MGST1: variants seen among roughly 807,000 people sequenced by gnomAD.
The protein encoded by MGST1 is microsomal glutathione S-transferase 1, also known as glutathione S-transferase 12.
Under a neutral mutation model 8.9 loss-of-function variants are expected in MGST1, and 5 were observed. The observed-to-expected ratio is 0.56, with a 90% CI of 0.29 to 1.19. The LOEUF (loss-of-function observed/expected upper bound fraction) is 1.19, where lower values mean the gene tolerates loss of function less well. Ranked by LOEUF, MGST1 falls within the 50% of genes most tolerant of loss-of-function variation. The probability of loss-of-function intolerance (pLI) is 0.08; values close to 1 mark genes in which losing one functional copy is unlikely to be tolerated. For missense variants in MGST1, 182 were observed against 187.4 expected (o/e 0.97, Z 0.17); for synonymous variants, 54 against 67.8 (o/e 0.80, Z 1.00).
intron 3 of MGST1, among the ~76,000 whole-genome samples, chr12:16,359,180 C>A (rs1485340527): frequency 3.9e-5 from 6 of 152,168 alleles, no homozygotes; most frequent in Admixed American, 2.0e-4. Flanking sequence ...CTCTGTCAGA[C>A]AATGGCCTTC....
At chr12:16,502,220 AAAAAT>A (rs1263075297) in intron 4 of MGST1, among the ~76,000 whole-genome samples, 1 of 152,174 alleles carries the variant, frequency 6.6e-6, no homozygotes, top group East Asian at 1.9e-4. Flanking sequence ...TGCCAGGACA[AAAAAT>A]AAACTGATCA....
chr12:16,550,934 C>A (rs1941964105), intron 4 of MGST1: 1 of 328,168 alleles, frequency 3.0e-6, no homozygotes, highest in Non-Finnish European at 5.7e-6. Flanking sequence ...ACATTATATA[C>A]AATAGTCCAA....
intron 4 of MGST1, among the ~76,000 whole-genome samples, chr12:16,456,823 T>C (rs1941177590): frequency 6.6e-6 from 1 of 151,876 alleles, no homozygotes; most frequent in Non-Finnish European, 1.5e-5. Flanking sequence ...CCTCAGCCAA[T>C]CAAATGTGAA....
intron 4 of MGST1, among the ~76,000 whole-genome samples, chr12:16,485,105 T>C (rs1941391026): frequency 6.6e-6 from 1 of 152,250 alleles, no homozygotes; most frequent in Non-Finnish European, 1.5e-5. Flanking sequence ...TCATTTACTC[T>C]GTTGACCACC....
At chr12:16,436,655 G>A (rs1940989819) in intron 1 of MGST1, among the ~76,000 whole-genome samples, 1 of 151,978 alleles carries the variant, frequency 6.6e-6, no homozygotes, top group South Asian at 2.1e-4. Context: ...ATGAGTTGCT[G>A]TTTTAAGTTT....
At chr12:16,514,567 A>C (rs1941599185) in intron 4 of MGST1, among the ~76,000 whole-genome samples, 1 of 149,714 alleles carries the variant, frequency 6.7e-6, no homozygotes, top group Non-Finnish European at 1.5e-5. Context: ...ATGAGCAAGG[A>C]GTCCTCCATC....
intron 1 of MGST1, among the ~76,000 whole-genome samples, chr12:16,426,401 C>T (rs373937891): frequency 6.6e-6 from 1 of 152,140 alleles, no homozygotes; most frequent in Non-Finnish European, 1.5e-5. Context: ...TTGATTCTTC[C>T]AGTTGAAATT....
At chr12:16,392,096 G>A (rs978615962) in intron 1 of MGST1, among the ~76,000 whole-genome samples, 1 of 152,110 alleles carries the variant, frequency 6.6e-6, no homozygotes, top group African/African-American at 2.4e-5. Context: ...TGTTCCATTG[G>A]TCTATGTGTC....
chr12:16,520,128 CGACCCAGAAATTTTA>C (rs1396560068), intron 4 of MGST1, among the ~76,000 whole-genome samples: 1 of 152,028 alleles, frequency 6.6e-6, no homozygotes, highest in African/African-American at 2.4e-5. Flanking sequence ...CTGAAATTTT[CGACCCAGAAATTTTA>C]GACCTAAAAT....
intron 2 of MGST1, chr12:16,354,844 T>G (rs1939638929): frequency 6.6e-6 from 1 of 152,180 alleles, no homozygotes; most frequent in African/African-American, 2.4e-5. Flanking sequence ...ACTTTCAAAG[T>G]GAGCCTCATA....
In MGST1 at chr12:16,497,167, G is replaced by A. The variant is rs138161991; in HGVS notation, n.483-92361G>A. 4.6e-5 allele frequency among the ~76,000 whole-genome samples: 7 copies of A among 152,220 alleles called. No individual in the cohort carries two copies. In the East Asian group the frequency reaches 1.4e-3, roughly 29 times the overall value. On this transcript the variant is annotated intron_variant and non_coding_transcript_variant, in intron 4 of 4. Coordinates refer to the MGST1 transcript ENST00000538857. The surrounding 1 kb of genome is among the most constrained non-coding windows in gnomAD (Gnocchi z 4.4). ...CCTTTGCTGTCGGAATCAAATGTTTGGCATTTTAGGAAATTTCTTCTCAAG... is the reference window on the plus strand; with the variant it reads ...CCTTTGCTGTCGGAATCAAATGTTTAGCATTTTAGGAAATTTCTTCTCAAG...
chr12:16,369,300 G>C (rs1371498554), downstream of MGST1, among the ~76,000 whole-genome samples: 1 of 152,132 alleles, frequency 6.6e-6, no homozygotes, highest in Non-Finnish European at 1.5e-5. The surrounding 1 kb of genome is among the most constrained non-coding windows in gnomAD (Gnocchi z 4.8). Context: ...TGCATGATAA[G>C]TCATCCTATG....
chr12:16,437,211 G>A (rs906870703), intron 1 of MGST1, among the ~76,000 whole-genome samples: 1 of 151,900 alleles, frequency 6.6e-6, no homozygotes, highest in Non-Finnish European at 1.5e-5. Flanking sequence ...TGAACTAAAG[G>A]AGGGTGACTC....
chr12:16,505,408 A>C (rs1022951662), intron 4 of MGST1, among the ~76,000 whole-genome samples: 1 of 152,194 alleles, frequency 6.6e-6, no homozygotes, highest in Non-Finnish European at 1.5e-5. Flanking sequence ...TCAGCTTGTC[A>C]GGTTCTTAGC....
At chr12:16,589,779 T>A (rs1005126264), downstream of MGST1, among the ~76,000 whole-genome samples, 2 of 152,032 alleles carry the variant, frequency 1.3e-5, no homozygotes, top group African/African-American at 4.8e-5. The surrounding 1 kb of genome is among the most constrained non-coding windows in gnomAD (Gnocchi z 4.2). Flanking sequence ...GTTCCTCAAC[T>A]CAATCTGGAC....
rs1170408826 is a variant in MGST1, at chr12:16,585,856, T to G, written n.483-3672T>G. On this transcript the variant is annotated intron_variant and non_coding_transcript_variant, in intron 4 of 4. Transcript: ENST00000538857. This position sits in a 1 kb window ranked among gnomAD's most constrained non-coding sequence, Gnocchi z 4.7. ...AAAGAAAAGAGGGAAAATGTCAACA[T>G]GTATATGATTCACAGGCCCAAGTAA... Among the ~76,000 whole-genome samples, 1 of 152,210 alleles carries G rather than the reference T, an allele frequency of 6.6e-6. No homozygotes were observed.
chr12:16,534,007 A>T (rs1333030548), intron 4 of MGST1, among the ~76,000 whole-genome samples: 1 of 152,158 alleles, frequency 6.6e-6, no homozygotes, highest in Non-Finnish European at 1.5e-5. Flanking sequence ...CGCATGGTTT[A>T]TTACGGTGAG....
chr12:16,531,803 C>T (rs1941725548), intron 4 of MGST1, among the ~76,000 whole-genome samples: 1 of 152,076 alleles, frequency 6.6e-6, no homozygotes, highest in South Asian at 2.1e-4. Context: ...TGGGTAAATG[C>T]CAAGACTGGC....
chr12:16,485,031 A>G (rs1941390242), intron 4 of MGST1, among the ~76,000 whole-genome samples: 1 of 152,226 alleles, frequency 6.6e-6, no homozygotes, highest in East Asian at 1.9e-4. Flanking sequence ...GCTACAGTTA[A>G]CAATATTCTA....
Sources: gnomAD v4.1 joint callset for allele counts (sites outside exome capture counted in the v4.1 genomes callset) on GRCh38, gnomAD v4.1.1 for gene constraint, Gnocchi (gnomAD v3.1) non-coding constraint, MANE v1.5 for transcripts, NCBI Gene and HGNC (gene_info 2026-07-23, HGNC 2026-07-21) for gene names.